Variants in USP47 observed in about 807,000 individuals in gnomAD.
USP47 encodes ubiquitin specific peptidase 47.
Under a neutral mutation model 165.1 loss-of-function variants are expected in USP47, and 35 were observed. That is an observed-to-expected ratio of 0.21 (90% CI 0.16 to 0.28). The LOEUF (loss-of-function observed/expected upper bound fraction) is 0.28, where lower values mean the gene tolerates loss of function less well. Among genes scored for constraint, USP47 ranks in the 10% least tolerant of loss-of-function variants. The probability of loss-of-function intolerance (pLI) is 1.00; values close to 1 mark genes in which losing one functional copy is unlikely to be tolerated. For missense variants in USP47, 1,277 were observed against 1,607.4 expected, an observed-to-expected ratio of 0.79 and a Z score of 3.52; for synonymous variants, 531 against 544.5, an observed-to-expected ratio of 0.98 and a Z score of 0.35.
chr11:11,931,575 T>C (rs1482060271), intron 14 of USP47, among the ~76,000 whole-genome samples: 2 of 152,168 alleles, frequency 1.3e-5, no homozygotes, highest in Non-Finnish European at 2.9e-5. Context: ...GTCCCTCACG[T>C]GGACCCAACC....
At chr11:11,949,782 G>A in intron 22 of USP47, 107 bp from the exon 23 acceptor site, 1 of 685,068 alleles carries the variant, frequency 1.5e-6, no homozygotes. Flanking sequence ...TGAAACTCAG[G>A]CCCTTAATTG....
At chr11:11,889,148 G>A (rs1410907817) in intron 3 of USP47, among the ~76,000 whole-genome samples, 1 of 152,114 alleles carries the variant, frequency 6.6e-6, no homozygotes, top group Non-Finnish European at 1.5e-5. Context: ...CACAAAATGA[G>A]AATGCCCTCT....
intron 5 of USP47, among the ~76,000 whole-genome samples, chr11:11,902,200 T>G (rs1852275102): frequency 6.6e-6 from 1 of 152,194 alleles, no homozygotes; most frequent in African/African-American, 2.4e-5. Flanking sequence ...AGCTGTATAT[T>G]GCAGTTGATT....
chr11:11,919,689 G>A (rs1220595815), intron 8 of USP47, among the ~76,000 whole-genome samples: 1 of 151,860 alleles, frequency 6.6e-6, no homozygotes, highest in East Asian at 1.9e-4. Context: ...TAACTATGGC[G>A]ATTAAGGATG....
At position 11,942,359 on chromosome 11, in the gene USP47, T is replaced by G; in HGVS notation, c.2338T>G (p.Leu780Val). ...GGTGTTTGTTGAAAGCTCCGAGACT[T>G]TGGATTACCAGATGGCCTTTGCAGA... is the stretch of plus-strand genomic sequence containing the variant. Reference protein sequence around the residue: ...NKVFVESSETLDYQMAFADSH... With the variant: ...NKVFVESSETVDYQMAFADSH... The change falls in exon 20 of 28, where the codon TTG becomes GTG. Residue 780 changes from leucine (L) to valine (V), a missense_variant. Leu to Val is a conservative substitution (Grantham distance 32, BLOSUM62 1). Transcript: ENST00000527733. 6.2e-7 allele frequency: 1 copy of G among 1,603,570 alleles called. No individual in the cohort carries two copies. Among genetic ancestry groups the G allele is most frequent in the Non-Finnish European group, 8.5e-7 (1 of 1,175,496 alleles).
chr11:11,886,662 A>G (rs1851182723), intron 3 of USP47, among the ~76,000 whole-genome samples: 1 of 152,202 alleles, frequency 6.6e-6, no homozygotes, highest in Non-Finnish European at 1.5e-5. Context: ...CAAGTTGGAA[A>G]ATATACTTAA....
intron 11 of USP47, among the ~76,000 whole-genome samples, chr11:11,923,880 A>C (rs2134627807): frequency 6.6e-6 from 1 of 152,382 alleles, no homozygotes; most frequent in African/African-American, 2.4e-5. Context: ...ATGGCATTCT[A>C]GCAGGAGTTG....
chr11:11,881,814 A>G (rs1434090451), intron 2 of USP47, among the ~76,000 whole-genome samples: 1 of 152,092 alleles, frequency 6.6e-6, no homozygotes, highest in African/African-American at 2.4e-5. Flanking sequence ...GATTCCATTC[A>G]TGAGGGCTCC....
chr11:11,904,733 A>G (rs1384261069), intron 7 of USP47, among the ~76,000 whole-genome samples: 1 of 152,236 alleles, frequency 6.6e-6, no homozygotes, highest in African/African-American at 2.4e-5. Context: ...AAGTTTGGGG[A>G]CTAGGTGAGA....
At chr11:11,913,384 T>C (rs185858898) in intron 8 of USP47, among the ~76,000 whole-genome samples, 1 of 151,866 alleles carries the variant, frequency 6.6e-6, no homozygotes, top group East Asian at 1.9e-4. Context: ...AAAGTGAAGT[T>C]TAAAATACAA....
chr11:11,897,759 A>G, intron 5 of USP47, 66 bp downstream of exon 5: 1 of 1,155,562 alleles, frequency 8.7e-7, no homozygotes, highest in Non-Finnish European at 1.3e-6. Context: ...TTTTAACAAA[A>G]TTTATCTTCT....
At chr11:11,851,398 A>T (rs951206431) in intron 1 of USP47, among the ~76,000 whole-genome samples, 3 of 152,190 alleles carry the variant, frequency 2.0e-5, no homozygotes, top group Non-Finnish European at 4.4e-5. Context: ...GGTCAGTTCT[A>T]GTTTGGACTC....
intron 7 of USP47, 34 bp from the exon 8 acceptor site, chr11:11,905,365 G>A (rs1430017589): frequency 2.0e-6 from 3 of 1,508,398 alleles, no homozygotes; most frequent in Admixed American, 1.8e-5. Flanking sequence ...TTATTTTTAA[G>A]GAACACTTAA....
intron 22 of USP47, 21 bp downstream of exon 22, chr11:11,948,579 T>C (rs1392986707): frequency 6.5e-7 from 1 of 1,531,774 alleles, no homozygotes; most frequent in Admixed American, 1.7e-5. Context: ...CGTTTAAGAA[T>C]AATATAAGGT....
chr11:11,938,473 G>T, intron 18 of USP47, 101 bp downstream of exon 18: 1 of 799,330 alleles, frequency 1.3e-6, no homozygotes, highest in South Asian at 1.8e-5. Flanking sequence ...TTACCTCCAG[G>T]AGCTAATTAA....
intron 1 of USP47, among the ~76,000 whole-genome samples, chr11:11,852,757 G>C (rs868048424): frequency 5.9e-5 from 9 of 152,154 alleles, no homozygotes; most frequent in South Asian, 2.1e-4. Flanking sequence ...AGGCATCAGA[G>C]CTAAATCCTT....
intron 18 of USP47, 110 bp from the exon 19 acceptor site, chr11:11,940,319 C>T (rs1433999959): frequency 4.4e-6 from 5 of 1,125,564 alleles, no homozygotes; most frequent in Non-Finnish European, 6.0e-6. Context: ...AATTATGTTT[C>T]TCTCTGCTGC....
intron 5 of USP47, 53 bp downstream of exon 5, chr11:11,897,746 C>G: frequency 7.9e-7 from 1 of 1,259,106 alleles, no homozygotes; most frequent in Non-Finnish European, 1.1e-6. Flanking sequence ...ATGAAAATAT[C>G]ACTTTTAACA....
chr11:11,892,773 G>GC (rs1238569524), intron 4 of USP47, among the ~76,000 whole-genome samples: 1 of 143,724 alleles, frequency 7.0e-6, no homozygotes, highest in Non-Finnish European at 1.5e-5. Flanking sequence ...CCATGGTGGT[G>GC]CCACTATACT....
Sources: allele counts gnomAD v4.1 joint callset (sites outside exome capture counted in the v4.1 genomes callset), GRCh38; gene constraint gnomAD v4.1.1; transcripts MANE v1.5; gene names NCBI Gene and HGNC (gene_info 2026-07-23, HGNC 2026-07-21).